SPECC1: variants seen among roughly 807,000 people sequenced by gnomAD.
SPECC1 encodes the protein sperm antigen with calponin homology and coiled-coil domains 1, also known as cytospin-B.
SPECC1 carries 62 observed loss-of-function variants against 104.1 expected under a neutral mutation model. That is an observed-to-expected ratio of 0.60 (90% CI 0.49 to 0.74). SPECC1 has a LOEUF of 0.74. Among genes scored for constraint, SPECC1 ranks in the 30% least tolerant of loss-of-function variants. The pLI is 0.00. For missense variants in SPECC1, 1,306 were observed against 1,310.5 expected, an observed-to-expected ratio of 1.00 and a Z score of 0.05; for synonymous variants, 513 against 501.6, an observed-to-expected ratio of 1.02 and a Z score of -0.30.
intron 1 of SPECC1, among the ~76,000 whole-genome samples, chr17:20,045,140 T>C (rs1330026721): frequency 6.6e-6 from 1 of 152,264 alleles, no homozygotes; most frequent in Non-Finnish European, 1.5e-5. Flanking sequence ...TTTCAGATGT[T>C]TTCTGTGCAC....
At chr17:20,034,095 CT>C (rs34012755) in intron 1 of SPECC1, among the ~76,000 whole-genome samples, 55,830 of 144,676 alleles carry the variant, frequency 0.39, 10,168 homozygotes, top group Middle Eastern at 0.47. Flanking sequence ...GTTTGATATT[CT>C]TTTTTTTTTT....
chr17:20,086,929 T>A (rs1023285934), intron 1 of SPECC1: 4 of 152,208 alleles, frequency 2.6e-5, no homozygotes, highest in African/African-American at 9.7e-5. Context: ...GCAACAGAAC[T>A]GGCCTGCCTG....
At chr17:20,170,152 G>A (rs558738240) in intron 3 of SPECC1, among the ~76,000 whole-genome samples, 7 of 152,206 alleles carry the variant, frequency 4.6e-5, no homozygotes, top group Admixed American at 1.3e-4. Flanking sequence ...CAGGATGTGT[G>A]TTGTTTGGCA....
chr17:20,244,607 A>G (rs1347939483), intron 7 of SPECC1, among the ~76,000 whole-genome samples: 1 of 152,044 alleles, frequency 6.6e-6, no homozygotes, highest in East Asian at 1.9e-4. Context: ...TTACAGAGCA[A>G]CAGAAGAAAG....
intron 2 of SPECC1, among the ~76,000 whole-genome samples, chr17:20,107,226 C>A (rs1023706207): frequency 6.8e-6 from 1 of 147,862 alleles, no homozygotes. Flanking sequence ...TGGAGTTGCA[C>A]ACAAATCATC....
intron 13 of SPECC1, among the ~76,000 whole-genome samples, chr17:20,300,601 G>C (rs2041543116): frequency 6.6e-6 from 1 of 152,216 alleles, no homozygotes; most frequent in African/African-American, 2.4e-5. Context: ...AAAAGTGTTT[G>C]TTCTCAGGCT....
chr17:20,157,034 C>G (rs1245030748), intron 3 of SPECC1, among the ~76,000 whole-genome samples: 1 of 152,062 alleles, frequency 6.6e-6, no homozygotes, highest in Non-Finnish European at 1.5e-5. Flanking sequence ...AGAGTCAGAA[C>G]TGTAAATATT....
intron 7 of SPECC1, 47 bp from the exon 8 acceptor site, chr17:20,245,879 G>A: frequency 6.2e-7 from 1 of 1,601,314 alleles, no homozygotes; most frequent in Non-Finnish European, 8.5e-7. Flanking sequence ...TTTCTCCCAT[G>A]GGGATGTCCT....
intron 1 of SPECC1, chr17:20,095,941 T>A (rs963794755): frequency 6.6e-6 from 1 of 152,368 alleles, no homozygotes; most frequent in African/African-American, 2.4e-5. Context: ...CGCTCCTTGC[T>A]CAGGAATCAC....
intron 3 of SPECC1, among the ~76,000 whole-genome samples, chr17:20,157,235 C>T (rs1022228561): frequency 1.3e-5 from 2 of 151,964 alleles, no homozygotes; most frequent in Non-Finnish European, 2.9e-5. Flanking sequence ...GCCCTATCCT[C>T]GGGGTGGGGT....
intron 3 of SPECC1, among the ~76,000 whole-genome samples, chr17:20,164,441 T>C (rs2033465609): frequency 1.3e-5 from 2 of 152,134 alleles, no homozygotes; most frequent in Non-Finnish European, 2.9e-5. Context: ...TGTTGACATT[T>C]GCCACCATGC....
chr17:20,072,379 A>G (rs1381481252), intron 1 of SPECC1, among the ~76,000 whole-genome samples: 1 of 152,226 alleles, frequency 6.6e-6, no homozygotes, highest in Non-Finnish European at 1.5e-5. Flanking sequence ...CAGAGTCCCA[A>G]CCACTACCAC....
chr17:20,310,263 T>C (rs556169140), intron 14 of SPECC1, among the ~76,000 whole-genome samples: 28 of 152,344 alleles, frequency 1.8e-4, no homozygotes, highest in African/African-American at 6.3e-4. Context: ...AGTAATGATA[T>C]TGCTGAGTCA....
intron 3 of SPECC1, among the ~76,000 whole-genome samples, chr17:20,171,721 T>A (rs1000685678): frequency 5.3e-5 from 8 of 152,064 alleles, no homozygotes; most frequent in South Asian, 2.1e-4. Flanking sequence ...CTAATTTTTT[T>A]AAATTTTTAG....
intron 3 of SPECC1, among the ~76,000 whole-genome samples, chr17:20,140,084 C>G (rs999349502): frequency 6.6e-6 from 1 of 152,196 alleles, no homozygotes; most frequent in African/African-American, 2.4e-5. Context: ...AATGCTTACT[C>G]TCTCGTCCTA....
At chr17:20,182,241 G>A (rs921558446) in intron 3 of SPECC1, among the ~76,000 whole-genome samples, 1 of 150,862 alleles carries the variant, frequency 6.6e-6, no homozygotes, top group Non-Finnish European at 1.5e-5. Context: ...AGCCTCCCAA[G>A]TAGCTAGAAC....
intron 3 of SPECC1, 75 bp from the exon 4 acceptor site, chr17:20,204,258 A>G: frequency 6.6e-7 from 1 of 1,516,484 alleles, no homozygotes; most frequent in South Asian, 1.3e-5. Context: ...GTGCCATGTG[A>G]TTTACAGTCA....
At chr17:20,231,886 A>T (rs1431280685) in intron 6 of SPECC1, 55 bp downstream of exon 6, 3 of 1,543,872 alleles carry the variant, frequency 1.9e-6, no homozygotes, top group Non-Finnish European at 1.8e-6. Flanking sequence ...ACCCGCTCCG[A>T]GGTGTGGATC....
At chr17:20,234,515 A>G (rs2038791153) in intron 7 of SPECC1, among the ~76,000 whole-genome samples, 1 of 152,144 alleles carries the variant, frequency 6.6e-6, no homozygotes, top group Non-Finnish European at 1.5e-5. Context: ...CACACCCTCA[A>G]AGCTCCGGAA....
Sources: gnomAD v4.1 joint callset for allele counts (sites outside exome capture counted in the v4.1 genomes callset) on GRCh38, gnomAD v4.1.1 for gene constraint, MANE v1.5 for transcripts, NCBI Gene and HGNC (gene_info 2026-07-23, HGNC 2026-07-21) for gene names.